The following MTFR1 variants were observed in gnomAD, a reference collection of about 807,000 sequenced individuals.
MTFR1 encodes the protein mitochondrial fission regulator 1.
In MTFR1, 28 loss-of-function variants were observed where a neutral mutation model predicts 38.8. The observed-to-expected ratio is 0.72, with a 90% CI of 0.53 to 0.99. The LOEUF is 0.99. MTFR1 is among the 50% of genes least tolerant of loss of function. The pLI is 0.00. For synonymous variants in MTFR1, 145 were observed against 137.0 expected (o/e 1.06, Z -0.41); for missense variants, 358 against 395.5 (o/e 0.91, Z 0.81).
chr8:65,735,540 G>T (rs996151156), intron 3 of MTFR1, among the ~76,000 whole-genome samples: 1 of 151,996 alleles, frequency 6.6e-6, no homozygotes, highest in African/African-American at 2.4e-5. Flanking sequence ...CAAACCCCTG[G>T]GCTCAAGGAG....
intron 3 of MTFR1, among the ~76,000 whole-genome samples, chr8:65,692,193 TTTAG>T (rs1414390924): frequency 6.6e-5 from 10 of 152,190 alleles, no homozygotes; most frequent in Non-Finnish European, 7.3e-5. Context: ...CACTCATACT[TTTAG>T]TAAGTATTAA....
At chr8:65,670,058 G>T (rs754314832) in intron 2 of MTFR1, 40 bp downstream of exon 2, 45 of 1,519,516 alleles carry the variant, frequency 3.0e-5, no homozygotes, top group Non-Finnish European at 3.9e-5. Flanking sequence ...CCGACATTTA[G>T]ATATTTTAAG....
chr8:65,676,748 C>T (rs1435628946), intron 2 of MTFR1, among the ~76,000 whole-genome samples: 1 of 152,280 alleles, frequency 6.6e-6, no homozygotes, highest in East Asian at 1.9e-4. Flanking sequence ...TAAAACTAGT[C>T]TATAATAAAT....
intron 3 of MTFR1, among the ~76,000 whole-genome samples, chr8:65,765,373 C>T (rs1449913041): frequency 6.7e-6 from 1 of 149,200 alleles, no homozygotes; most frequent in African/African-American, 2.5e-5. Flanking sequence ...CCTGTAGTCC[C>T]AGCTACTCGG....
intron 3 of MTFR1, among the ~76,000 whole-genome samples, chr8:65,730,341 C>G (rs1563473937): frequency 6.6e-6 from 1 of 151,318 alleles, no homozygotes; most frequent in Non-Finnish European, 1.5e-5. Flanking sequence ...CCACCACAAC[C>G]AGCTAATTTT....
chr8:65,734,153 AC>A (rs1276004849), intron 3 of MTFR1, among the ~76,000 whole-genome samples: 1 of 152,100 alleles, frequency 6.6e-6, no homozygotes, highest in Non-Finnish European at 1.5e-5. Flanking sequence ...TACAAGCCTT[AC>A]CCCCAAAACT....
chr8:65,759,094 C>T (rs1381428707), intron 3 of MTFR1, among the ~76,000 whole-genome samples: 1 of 152,222 alleles, frequency 6.6e-6, no homozygotes, highest in Admixed American at 6.5e-5. Flanking sequence ...GGGAGGCACA[C>T]GGGGATACTT....
chr8:65,726,500 G>C (rs953656198), intron 3 of MTFR1, among the ~76,000 whole-genome samples: 4 of 152,092 alleles, frequency 2.6e-5, no homozygotes, highest in African/African-American at 9.7e-5. Flanking sequence ...TAATGTAATA[G>C]AATGTTTACA....
In MTFR1 at chr8:65,709,153, GTCT is replaced by G. The variant is rs1805871818; in HGVS notation, c.*114_*116del. The G allele has an allele frequency of 9.9e-7, 1 of 1,006,818 alleles. No individual in the cohort carries two copies. 62.4% of individuals were successfully genotyped at this position (1,006,818 alleles called of 1,614,324 possible). A position where few individuals can be genotyped will look rare whatever the true frequency, so the allele number is the denominator to read the frequency against. On this transcript the variant is annotated 3_prime_UTR_variant, in exon 8 of 8. Transcript: ENST00000262146. ...GTAAATACCTCTTTAGTATTCAGTG[GTCT>G]TCTTTTCAGGCTAATTAGTGGATTA...
chr8:65,751,273 G>A (rs1001106645), intron 3 of MTFR1, among the ~76,000 whole-genome samples: 3 of 152,088 alleles, frequency 2.0e-5, no homozygotes, highest in Admixed American at 6.5e-5. Context: ...CAGAACTTTC[G>A]GGGGATGTCT....
chr8:65,745,193 C>G, intron 3 of MTFR1, among the ~76,000 whole-genome samples: 1 of 152,210 alleles, frequency 6.6e-6, no homozygotes, highest in Non-Finnish European at 1.5e-5. Flanking sequence ...GCCTCCCCAG[C>G]CACATGGAAC....
At chr8:65,753,915 G>C (rs558130451) in intron 3 of MTFR1, among the ~76,000 whole-genome samples, 1 of 151,650 alleles carries the variant, frequency 6.6e-6, no homozygotes, top group Non-Finnish European at 1.5e-5. Flanking sequence ...AGTGTATACT[G>C]TCTGCCAATA....
intron 3 of MTFR1, among the ~76,000 whole-genome samples, chr8:65,755,963 C>A (rs1206537295): frequency 6.6e-6 from 1 of 152,192 alleles, no homozygotes; most frequent in African/African-American, 2.4e-5. Context: ...AATGAACTCC[C>A]TCAACTTTTG....
intron 3 of MTFR1, among the ~76,000 whole-genome samples, chr8:65,749,392 T>C (rs1422015463): frequency 6.6e-6 from 1 of 152,236 alleles, no homozygotes; most frequent in South Asian, 2.1e-4. Flanking sequence ...CACACTGTTA[T>C]GTGATTTACT....
chr8:65,682,363 C>T lies in MTFR1; in HGVS notation c.77C>T (p.Ser26Phe), dbSNP rs775780841. 2.6e-6 allele frequency: 4 copies of T among 1,560,594 alleles called. No individual in the cohort carries two copies. The highest frequency in any genetic ancestry group is 3.5e-6 in the Non-Finnish European group (4 of 1,152,584). Residue 26 changes from serine (S) to phenylalanine (F), a missense_variant, in exon 3 of 8, where the codon TCT becomes TTT. By Grantham distance (155) the Ser-to-Phe change is radical. Transcript: ENST00000262146. ...TTCCTACTTCCTCAGGTACTTTGGT[C>T]TAGGAAGCCATATGGTTCGTCTCGA... Reference protein sequence around the residue: ...VGVSMQSVLWSRKPYGSSRSI... With the variant: ...VGVSMQSVLWFRKPYGSSRSI...
intron 3 of MTFR1, among the ~76,000 whole-genome samples, chr8:65,746,347 G>C (rs1332795352): frequency 6.6e-6 from 1 of 152,062 alleles, no homozygotes; most frequent in Non-Finnish European, 1.5e-5. Context: ...TCTGTTTCTA[G>C]AACCTAGGCA....
chr8:65,776,731 T>C, the MTFR1 span, among the ~76,000 whole-genome samples: 1 of 152,232 alleles, frequency 6.6e-6, no homozygotes, highest in African/African-American at 2.4e-5. Context: ...CGTACTGACT[T>C]TGTATCCAGG....
At chr8:65,724,905 G>T in intron 3 of MTFR1, 1 of 1,600,426 alleles carries the variant, frequency 6.2e-7, no homozygotes, top group Non-Finnish European at 8.5e-7. Context: ...GCACCTATCT[G>T]TGTCTCCATT....
At chr8:65,673,567 C>T (rs1020671462) in intron 2 of MTFR1, among the ~76,000 whole-genome samples, 1 of 150,954 alleles carries the variant, frequency 6.6e-6, no homozygotes, top group African/African-American at 2.4e-5. Context: ...AACAAACCTG[C>T]ACGTTCTGCA....
Sources: gnomAD v4.1 joint callset for allele counts (sites outside exome capture counted in the v4.1 genomes callset) on GRCh38, gnomAD v4.1.1 for gene constraint, MANE v1.5 for transcripts, NCBI Gene and HGNC (gene_info 2026-07-23, HGNC 2026-07-21) for gene names.